CPAP: variants seen among roughly 807,000 people sequenced by gnomAD.
CPAP encodes centrosomal P4.1-associated protein.
chr13:24,888,453 G>C, the CPAP span, among the ~76,000 whole-genome samples: 1 of 152,128 alleles, frequency 6.6e-6, no homozygotes, highest in African/African-American at 2.4e-5. Context: ...CTAAATGTAA[G>C]AAAACATGCT....
chr13:24,886,196 C>A, the CPAP span: 1 of 682,206 alleles, frequency 1.5e-6, no homozygotes, highest in Non-Finnish European at 2.3e-6. Context: ...CCAGTATTTT[C>A]ATCCTATGTG....
chr13:24,916,327 A>T, the CPAP span, among the ~76,000 whole-genome samples: 108 of 152,332 alleles, frequency 7.1e-4, 1 homozygote, highest in African/African-American at 2.5e-3. Flanking sequence ...ATATAATCAA[A>T]GGAAAATGAA....
chr13:24,884,000 T>G, the CPAP span: 1 of 1,614,200 alleles, frequency 6.2e-7, no homozygotes, highest in African/African-American at 1.3e-5. Flanking sequence ...GGGAAAATGC[T>G]TTCTTCTTGT....
chr13:24,906,245 A>G, the CPAP span: 4 of 1,603,612 alleles, frequency 2.5e-6, no homozygotes, highest in Non-Finnish European at 2.6e-6. Flanking sequence ...TAAGATTTTC[A>G]GTACAAATGA....
the CPAP span, among the ~76,000 whole-genome samples, chr13:24,918,454 T>C: frequency 6.6e-6 from 1 of 152,192 alleles, no homozygotes; most frequent in Non-Finnish European, 1.5e-5. Flanking sequence ...ACCGAAAATC[T>C]AAGTGTAACT....
At chr13:24,907,886 T>C in the CPAP span, 1 of 694,580 alleles carries the variant, frequency 1.4e-6, no homozygotes, top group Non-Finnish European at 2.6e-6. Context: ...ATAGGTTGTA[T>C]CTTTAACCTT....
chr13:24,920,582 T>C, the CPAP span, among the ~76,000 whole-genome samples: 1 of 149,450 alleles, frequency 6.7e-6, no homozygotes, highest in African/African-American at 2.5e-5. Flanking sequence ...GTAACAAAAA[T>C]AAATAATGAT....
chr13:24,933,426 C>A, the CPAP span: 1 of 244,502 alleles, frequency 4.1e-6, no homozygotes, highest in East Asian at 8.0e-5. Flanking sequence ...TCAGACCAGT[C>A]AAATCTATTC....
chr13:24,908,474 C>T, the CPAP span, among the ~76,000 whole-genome samples: 2 of 143,080 alleles, frequency 1.4e-5, no homozygotes, highest in African/African-American at 2.7e-5. Flanking sequence ...ATTAGCCAGG[C>T]GTGGTGGCAC....
At chr13:24,909,813 TC>T in the CPAP span, 1 of 1,613,036 alleles carries the variant, frequency 6.2e-7, no homozygotes, top group Admixed American at 1.7e-5. Flanking sequence ...ACGGTTTTCT[TC>T]TTTTAAATTA....
At chr13:24,886,484 A>C in the CPAP span, 1 of 571,086 alleles carries the variant, frequency 1.8e-6, no homozygotes, top group Non-Finnish European at 3.0e-6. Flanking sequence ...CAATGTAACT[A>C]ATAGATCCAG....
the CPAP span, among the ~76,000 whole-genome samples, chr13:24,903,541 G>A: frequency 1.6e-3 from 244 of 152,260 alleles, 1 homozygote; most frequent in African/African-American, 5.3e-3. Flanking sequence ...GCTGATGCCC[G>A]GACTTTGGAC....
the CPAP span, chr13:24,907,071 A>C: frequency 6.2e-7 from 1 of 1,609,212 alleles, no homozygotes; most frequent in South Asian, 1.1e-5. Flanking sequence ...TGATTTAATC[A>C]GAAGAGCACA....
At chr13:24,894,088 C>T in the CPAP span, among the ~76,000 whole-genome samples, 1 of 151,988 alleles carries the variant, frequency 6.6e-6, no homozygotes, top group East Asian at 1.9e-4. Context: ...ACAGTGCCAG[C>T]ACTACAAGGG....
At chr13:24,915,445 G>C in the CPAP span, among the ~76,000 whole-genome samples, 6 of 152,334 alleles carry the variant, frequency 3.9e-5, no homozygotes. Context: ...GACATCCTCA[G>C]CATAAAGATG....
chr13:24,924,764 G>A, the CPAP span: 1 of 152,184 alleles, frequency 6.6e-6, no homozygotes, highest in Admixed American at 6.5e-5. Context: ...CCTATGTCAT[G>A]GTTAAGAGTC....
chr13:24,897,726 C>A, the CPAP span, among the ~76,000 whole-genome samples: 1 of 152,060 alleles, frequency 6.6e-6, no homozygotes, highest in Non-Finnish European at 1.5e-5. Context: ...CTAAGAATTT[C>A]TCTGGGAAAA....
the CPAP span, among the ~76,000 whole-genome samples, chr13:24,930,848 C>G: frequency 2.0e-5 from 3 of 152,158 alleles, no homozygotes; most frequent in African/African-American, 7.2e-5. Context: ...ATAGCTGGGT[C>G]GAATGGCAGT....
the CPAP span, chr13:24,883,449 CCTT>C: frequency 8.5e-7 from 1 of 1,171,902 alleles, no homozygotes; most frequent in Non-Finnish European, 1.2e-6. Flanking sequence ...TGAAAAGTAG[CCTT>C]TTGAGTCTGG....
Sources: allele counts gnomAD v4.1 joint callset (sites outside exome capture counted in the v4.1 genomes callset), GRCh38; gene constraint gnomAD v4.1.1; transcripts MANE v1.5; gene names NCBI Gene and HGNC (gene_info 2026-07-23, HGNC 2026-07-21).